PAX6: variants seen among roughly 807,000 people sequenced by gnomAD.
PAX6 encodes the protein paired box protein Pax-6.
Under a neutral mutation model 60.7 loss-of-function variants are expected in PAX6, and 7 were observed. That is an observed-to-expected ratio of 0.12 (90% CI 0.07 to 0.22). The LOEUF is 0.22. Ranked by LOEUF, PAX6 falls within the 10% of genes least tolerant of loss-of-function variation. The pLI is 1.00. For missense variants in PAX6, 355 were observed against 555.2 expected (o/e 0.64, Z 3.62); for synonymous variants, 208 against 201.2 (o/e 1.03, Z -0.29).
In PAX6 at chr11:31,789,912, CTTT is replaced by C. The variant is rs759391101; in HGVS notation, c.*19_*21del. On this transcript the variant is annotated 3_prime_UTR_variant, in exon 14 of 14. Coordinates refer to ENST00000640368, the MANE Select transcript of PAX6 (RefSeq NM_001368894.2). The stretch of plus-strand genomic sequence containing the variant: ...CTGAATTAACACAATATTTCCTTTC[CTTT>C]TTTTTTTTTTTTTTTTTTTTACTGT... 34,914 of 993,260 alleles carry C rather than the reference CTTT, an allele frequency of 0.035. No individual in the cohort carries two copies. The highest frequency in any genetic ancestry group is 0.04 in the Non-Finnish European group (27,934 of 690,190). 61.5% of individuals were successfully genotyped at this position (993,260 alleles called of 1,614,324 possible). A position where few individuals can be genotyped will look rare whatever the true frequency, so the allele number is the denominator to read the frequency against.
chr11:31,809,130 G>T (rs774637995), intron 2 of PAX6, among the ~76,000 whole-genome samples: 1 of 152,116 alleles, frequency 6.6e-6, no homozygotes, highest in Non-Finnish European at 1.5e-5. Context: ...AGAGCTCTCG[G>T]TCCTCCCGCC....
At chr11:31,807,845 C>T (rs940542838) in intron 2 of PAX6, 3 of 152,188 alleles carry the variant, frequency 2.0e-5, no homozygotes, top group African/African-American at 7.2e-5. Flanking sequence ...CTTCATAAGC[C>T]CTGACCCAGT....
chr11:31,794,391 G>A lies in PAX6; in HGVS notation c.724+239C>T, dbSNP rs933194980. 5.1e-6 allele frequency: 3 copies of A among 593,702 alleles called. No homozygotes were observed. The African/African-American group carries it at 5.8e-5, about 12-fold the overall frequency. 36.8% of individuals were successfully genotyped at this position (593,702 alleles called of 1,614,324 possible). ...ACATTTAGTCTTTGAATTACTGGTA[G>A]ATGAAAAGAAGAAACACACACACAC... On this transcript the variant is annotated intron_variant, in intron 9 of 13. Transcript: ENST00000640368.
At chr11:31,794,857 G>A (rs1951033764) in intron 8 of PAX6, 69 bp from the exon 9 acceptor site, 4 of 1,461,720 alleles carry the variant, frequency 2.7e-6, no homozygotes, top group South Asian at 2.3e-5. Flanking sequence ...GGGGCCTGGT[G>A]TAGTCTTAAA....
In PAX6 at chr11:31,801,523, C is replaced by T. The variant is rs192353192; in HGVS notation, c.399+38G>A. 1,279 of 1,613,736 alleles carry T rather than the reference C, an allele frequency of 7.9e-4. 8 individuals are homozygous for T. In the African/African-American group the frequency reaches 0.014, roughly 18 times the overall value. On this transcript the variant is annotated intron_variant, in intron 7 of 13. Transcript: ENST00000640368. Reference sequence around the variant, plus strand: ...GAGGTAAAGAGGAGAGAGCATTGGGCTTAGGGCAGGGAGGGCAGATGTTCT... The same window carrying T: ...GAGGTAAAGAGGAGAGAGCATTGGGTTTAGGGCAGGGAGGGCAGATGTTCT...
intron 12 of PAX6, chr11:31,792,937 A>G (rs548956829): frequency 2.8e-6 from 1 of 356,802 alleles, no homozygotes; most frequent in East Asian, 5.7e-5. Context: ...TGTATATCTC[A>G]CCATGTAAAT....
At chr11:31,809,029 C>T (rs1370109206) in intron 2 of PAX6, among the ~76,000 whole-genome samples, 4 of 152,222 alleles carry the variant, frequency 2.6e-5, no homozygotes, top group Non-Finnish European at 5.9e-5. Context: ...TCTCTGTCCC[C>T]AACACAAGCC....
intron 5 of PAX6, chr11:31,802,118 T>C (rs1364125291): frequency 2.9e-5 from 17 of 579,714 alleles, no homozygotes; most frequent in Non-Finnish European, 4.9e-5. Flanking sequence ...AGTAGATAAA[T>C]TTATTTTTGT....
intron 4 of PAX6, chr11:31,804,244 C>G (rs1955026650): frequency 6.6e-6 from 1 of 152,236 alleles, no homozygotes; most frequent in Admixed American, 6.5e-5. Flanking sequence ...AAAGATCAGT[C>G]GGGGCGCTTG....
At chr11:31,791,493 A>G (rs3026391) in intron 12 of PAX6, 9,818 of 159,670 alleles carry the variant, frequency 0.061, 1,070 homozygotes, top group African/African-American at 0.22. Flanking sequence ...TTATAACTAG[A>G]AAACTGTTGC....
intron 8 of PAX6, among the ~76,000 whole-genome samples, chr11:31,795,163 G>A (rs941894859): frequency 6.6e-5 from 10 of 152,212 alleles, no homozygotes; most frequent in African/African-American, 2.4e-4. Flanking sequence ...GAAGAGTGAT[G>A]TTCAAGATTT....
Position 31,797,965 on chromosome 11 carries a change from T to G in PAX6, c.565+2726A>C, listed in dbSNP as rs1457066677. ...GACCATCTGACGATGGGAATAGGAT[T>G]TGTTTCCTGGAAGGAGGTGAGAGAG... is the stretch of plus-strand genomic sequence containing the variant. On this transcript the variant is annotated intron_variant, in intron 8 of 13. Coordinates refer to ENST00000640368, the MANE Select transcript of PAX6 (RefSeq NM_001368894.2). Among the ~76,000 whole-genome samples, 4 of 145,604 alleles carry G rather than the reference T, an allele frequency of 2.7e-5. No homozygotes were observed. The East Asian group carries it at 8.1e-4, about 29-fold the overall frequency.
chr11:31,800,558 A>T, intron 8 of PAX6, 133 bp downstream of exon 8: 1 of 1,081,560 alleles, frequency 9.2e-7, no homozygotes, highest in Non-Finnish European at 1.4e-6. Flanking sequence ...GATGTGTCCC[A>T]GGCCTTCAAA....
At chr11:31,802,970 A>C in intron 4 of PAX6, 136 bp from the exon 5 acceptor site, 6 of 886,570 alleles carry the variant, frequency 6.8e-6, no homozygotes, top group Non-Finnish European at 1.1e-5. Context: ...GAAGAGGAAG[A>C]AGGAGAGGAG....
chr11:31,816,596 A>G, intron 1 of PAX6: 1 of 702,560 alleles, frequency 1.4e-6, no homozygotes, highest in Non-Finnish European at 2.6e-6. Context: ...CTCGCCGCCC[A>G]GCTCCAGGGA....
intron 10 of PAX6, 96 bp downstream of exon 10, chr11:31,793,936 C>A: frequency 8.0e-7 from 1 of 1,254,456 alleles, no homozygotes; most frequent in Non-Finnish European, 1.2e-6. Context: ...TTATATTAGT[C>A]CTATAAATAA....
At chr11:31,792,967 C>CTTTTTTTTTTT in intron 12 of PAX6, 1 of 408,004 alleles carries the variant, frequency 2.5e-6, no homozygotes, top group Non-Finnish European at 4.4e-6. Flanking sequence ...ATTTCTGATC[C>CTTTTTTTTTTT]TTTTTTCTTT....
intron 8 of PAX6, among the ~76,000 whole-genome samples, chr11:31,795,959 C>T (rs1951367306): frequency 6.6e-6 from 1 of 152,232 alleles, no homozygotes; most frequent in South Asian, 2.1e-4. Context: ...CCCCTAGGAG[C>T]GCCTTGGTGG....
At chr11:31,800,144 A>G (rs1474563400) in intron 8 of PAX6, among the ~76,000 whole-genome samples, 2 of 152,074 alleles carry the variant, frequency 1.3e-5, no homozygotes, top group African/African-American at 4.8e-5. Flanking sequence ...AGAGGGGCGA[A>G]CGGGGGAGGG....
Sources: allele counts gnomAD v4.1 joint callset (sites outside exome capture counted in the v4.1 genomes callset), GRCh38; gene constraint gnomAD v4.1.1; transcripts MANE v1.5; gene names NCBI Gene and HGNC (gene_info 2026-07-23, HGNC 2026-07-21).